XRCC5: variants seen among roughly 807,000 people sequenced by gnomAD.
XRCC5 encodes X-ray repair cross complementing 5.
Under a neutral mutation model 95.7 loss-of-function variants are expected in XRCC5, and 12 were observed. That is an observed-to-expected ratio of 0.13 (90% CI 0.08 to 0.20). The LOEUF (loss-of-function observed/expected upper bound fraction) is 0.20. XRCC5 is among the 10% of genes least tolerant of loss of function. The probability of loss-of-function intolerance (pLI) is 1.00; values close to 1 mark genes in which losing one functional copy is unlikely to be tolerated. For missense variants in XRCC5, 595 were observed against 873.9 expected, an observed-to-expected ratio of 0.68 and a Z score of 4.02; for synonymous variants, 281 against 290.3, an observed-to-expected ratio of 0.97 and a Z score of 0.33.
intron 14 of XRCC5, among the ~76,000 whole-genome samples, chr2:216,153,881 C>T (rs991908855): frequency 1.3e-5 from 2 of 152,202 alleles, no homozygotes; most frequent in African/African-American, 4.8e-5. Flanking sequence ...AGCTTAGGTG[C>T]CTGTAGGCCC....
At chr2:216,161,785 C>A (rs1038746406) in intron 15 of XRCC5, among the ~76,000 whole-genome samples, 194 bp from the exon 16 acceptor site, 1 of 152,200 alleles carries the variant, frequency 6.6e-6, no homozygotes. Context: ...GCACAGAGGG[C>A]AGCTCTTGGA....
Position 216,117,740 on chromosome 2 carries a change from G to A in XRCC5, c.320-6G>A. The A allele has an allele frequency of 6.2e-7, 1 of 1,613,890 alleles. No homozygotes were observed. The highest frequency in any genetic ancestry group is 8.5e-7 in the Non-Finnish European group (1 of 1,179,806). On this transcript the variant is annotated splice_region_variant and splice_polypyrimidine_tract_variant and intron_variant, in intron 3 of 20. Transcript: ENST00000392132. The stretch of plus-strand genomic sequence containing the variant: ...TTGGTGATATCCCTATCCTTAACTA[G>A]CTGAGTCCTGGATGCACTAATCGTG...
At chr2:216,194,844 A>C (rs1293221540) in intron 18 of XRCC5, 75 bp from the exon 19 acceptor site, 1 of 1,303,728 alleles carries the variant, frequency 7.7e-7, no homozygotes, top group African/African-American at 1.5e-5. Context: ...AGGTGGGAGG[A>C]GGTGTGATGG....
chr2:216,150,137 A>G (rs1489777903), intron 14 of XRCC5, among the ~76,000 whole-genome samples: 1 of 152,172 alleles, frequency 6.6e-6, no homozygotes, highest in Admixed American at 6.5e-5. Context: ...AACAATTCGC[A>G]ATGTTTTTGT....
At chr2:216,149,601 T>C (rs990873764) in intron 14 of XRCC5, among the ~76,000 whole-genome samples, 14 of 125,214 alleles carry the variant, frequency 1.1e-4, no homozygotes, top group Admixed American at 7.4e-4. Flanking sequence ...ATCACAGGGC[T>C]ATTCTCTCTC....
At chr2:216,160,508 T>TGG (rs1216205977) in intron 15 of XRCC5, among the ~76,000 whole-genome samples, 1 of 152,116 alleles carries the variant, frequency 6.6e-6, no homozygotes, top group Non-Finnish European at 1.5e-5. Context: ...GCCTTAATCT[T>TGG]CAAGTACACA....
intron 16 of XRCC5, among the ~76,000 whole-genome samples, chr2:216,177,332 C>T (rs1689296610): frequency 6.6e-6 from 1 of 152,106 alleles, no homozygotes; most frequent in African/African-American, 2.4e-5. Flanking sequence ...TGATTTTGGT[C>T]TCACCTAGCT....
chr2:216,130,801 T>A, intron 8 of XRCC5, 74 bp from the exon 9 acceptor site: 1 of 932,066 alleles, frequency 1.1e-6, no homozygotes, highest in Admixed American at 2.4e-5. Flanking sequence ...TGTTAATGTA[T>A]GCATGGAACT....
chr2:216,166,604 A>T (rs1399002470), intron 16 of XRCC5, among the ~76,000 whole-genome samples: 2 of 152,120 alleles, frequency 1.3e-5, no homozygotes, highest in Admixed American at 1.3e-4. Context: ...ACTTGTTTGG[A>T]TATCTTCCAC....
At chr2:216,139,762 C>G (rs1450512648) in intron 12 of XRCC5, among the ~76,000 whole-genome samples, 1 of 152,168 alleles carries the variant, frequency 6.6e-6, no homozygotes, top group African/African-American at 2.4e-5. Flanking sequence ...CACATCTCAG[C>G]CTCCCAAACT....
At chr2:216,196,889 T>C (rs1390130630) in intron 19 of XRCC5, among the ~76,000 whole-genome samples, 1 of 152,218 alleles carries the variant, frequency 6.6e-6, no homozygotes, top group African/African-American at 2.4e-5. Context: ...CATTGTCACA[T>C]GGTGTGAAGA....
At position 216,122,720 on chromosome 2, in the gene XRCC5, T is replaced by A. The variant is rs41299770; in HGVS notation, c.683+467T>A. ...TACTATGGTATAGTGATTTTTTTTT[T>A]AAACTTTTGATCACAAAGCAGTTTG... On this transcript the variant is annotated intron_variant, in intron 6 of 20. Coordinates refer to ENST00000392132, the MANE Select transcript of XRCC5 (RefSeq NM_021141.4). Among the ~76,000 whole-genome samples the A allele has an allele frequency of 2.0e-3, 301 of 151,124 alleles. 2 individuals carry two copies. The highest frequency in any genetic ancestry group is 6.9e-3 in the African/African-American group (285 of 41,146).
At chr2:216,195,551 A>G (rs909981299) in intron 19 of XRCC5, among the ~76,000 whole-genome samples, 1 of 151,834 alleles carries the variant, frequency 6.6e-6, no homozygotes, top group Non-Finnish European at 1.5e-5. Flanking sequence ...TGTATTGTAT[A>G]GTGAATAGAG....
intron 12 of XRCC5, among the ~76,000 whole-genome samples, chr2:216,139,302 G>A (rs1451917838): frequency 7.8e-6 from 1 of 128,444 alleles, no homozygotes; most frequent in African/African-American, 2.6e-5. Flanking sequence ...AGAAAAAGAG[G>A]TTTAATTGGA....
At chr2:216,159,541 C>G (rs1263981229) in intron 14 of XRCC5, among the ~76,000 whole-genome samples, 1 of 151,980 alleles carries the variant, frequency 6.6e-6, no homozygotes, top group African/African-American at 2.4e-5. Flanking sequence ...AAAGCTCTTG[C>G]ATAGTTAATT....
At chr2:216,178,456 T>C (rs544599632) in intron 16 of XRCC5, among the ~76,000 whole-genome samples, 1 of 152,096 alleles carries the variant, frequency 6.6e-6, no homozygotes, top group African/African-American at 2.4e-5. Flanking sequence ...TGTTTTAGGG[T>C]ATAATAAATT....
At chr2:216,194,472 G>T (rs549822930) in intron 18 of XRCC5, among the ~76,000 whole-genome samples, 51 of 152,200 alleles carry the variant, frequency 3.4e-4, no homozygotes, top group Non-Finnish European at 6.6e-4. Context: ...TAAACAAAGT[G>T]ATCTGAGATT....
At position 216,205,377 on chromosome 2, in the gene XRCC5, A is replaced by G. The variant is rs917059463; in HGVS notation, c.*175A>G. On this transcript the variant is annotated 3_prime_UTR_variant, in exon 21 of 21. Coordinates refer to ENST00000392132, the MANE Select transcript of XRCC5 (RefSeq NM_021141.4). The stretch of plus-strand genomic sequence containing the variant: ...TGGAATGAATACACACATATATATT[A>G]CAAGGGATAATTTAGACCCCATACA... 9 of 691,154 alleles carry G rather than the reference A, an allele frequency of 1.3e-5. No individual in the cohort carries two copies. In the Admixed American group the frequency reaches 2.2e-4, roughly 17 times the overall value. The allele number at this position is 691,154 out of a possible 1,614,324, so 42.8% of individuals were successfully genotyped here. A position where few individuals can be genotyped will look rare whatever the true frequency, so the allele number is the denominator to read the frequency against.
At chr2:216,122,586 C>T (rs1696829550) in intron 6 of XRCC5, among the ~76,000 whole-genome samples, 2 of 146,126 alleles carry the variant, frequency 1.4e-5, no homozygotes, top group African/African-American at 2.5e-5. Flanking sequence ...TTTTTGGGCC[C>T]TTTTTTTTTT....
Sources: gnomAD v4.1 joint callset for allele counts (sites outside exome capture counted in the v4.1 genomes callset) on GRCh38, gnomAD v4.1.1 for gene constraint, MANE v1.5 for transcripts, NCBI Gene and HGNC (gene_info 2026-07-23, HGNC 2026-07-21) for gene names.